The following TTC7A variants were observed in gnomAD, a reference collection of about 807,000 sequenced individuals.
TTC7A encodes the protein tetratricopeptide repeat domain 7A, also known as tetratricopeptide repeat protein 7A.
A neutral mutation model predicts 103.7 loss-of-function variants in TTC7A; 110 were observed. That is an observed-to-expected ratio of 1.06 (90% CI 0.91 to 1.24). The LOEUF (loss-of-function observed/expected upper bound fraction) is 1.24. Ranked by LOEUF, TTC7A falls within the 50% of genes most tolerant of loss-of-function variation. The pLI is 0.00. For missense variants in TTC7A, 1,340 were observed against 1,116.3 expected (o/e 1.20, Z -2.86); for synonymous variants, 521 against 467.9 (o/e 1.11, Z -1.47).
intron 18 of TTC7A, among the ~76,000 whole-genome samples, chr2:47,058,092 TGA>T (rs1310413665): frequency 4.6e-5 from 7 of 152,164 alleles, no homozygotes; most frequent in African/African-American, 1.7e-4. Flanking sequence ...GAGCTGAGGC[TGA>T]GAGAGCCAAA....
chr2:47,008,015 G>A (rs1314395869), intron 10 of TTC7A, among the ~76,000 whole-genome samples: 1 of 152,248 alleles, frequency 6.6e-6, no homozygotes, highest in African/African-American at 2.4e-5. Context: ...AAGACGAGCT[G>A]GCCGTGGGGA....
At chr2:46,991,656 T>G (rs556848183) in intron 5 of TTC7A, among the ~76,000 whole-genome samples, 3 of 152,214 alleles carry the variant, frequency 2.0e-5, no homozygotes, top group African/African-American at 4.8e-5. Context: ...TAAATAATAA[T>G]ACCGGTGATA....
chr2:47,010,920 G>A (rs1053908312), intron 10 of TTC7A, among the ~76,000 whole-genome samples: 2 of 152,086 alleles, frequency 1.3e-5, no homozygotes, highest in Admixed American at 6.5e-5. Context: ...GGCTGGTCTC[G>A]AACTCCTGAG....
At chr2:47,064,530 A>C (rs1338702122) in intron 19 of TTC7A, among the ~76,000 whole-genome samples, 1 of 152,220 alleles carries the variant, frequency 6.6e-6, no homozygotes, top group African/African-American at 2.4e-5. Flanking sequence ...TGCTCTTCAG[A>C]GAGGGCTTCA....
intron 4 of TTC7A, among the ~76,000 whole-genome samples, chr2:46,976,955 G>A (rs1456601284): frequency 6.6e-6 from 1 of 152,230 alleles, no homozygotes; most frequent in African/African-American, 2.4e-5. Flanking sequence ...GCTCAGCATG[G>A]TTGAGTTGAC....
Position 46,975,085 on chromosome 2 carries a change from C to G in TTC7A, c.630C>G (p.Phe210Leu). 1 of 1,613,770 alleles carries G rather than the reference C, an allele frequency of 6.2e-7. No homozygotes were observed. The highest frequency in any genetic ancestry group is 8.5e-7 in the Non-Finnish European group (1 of 1,179,816). Residue 210 changes from phenylalanine to leucine, a missense_variant, in exon 4 of 20, where the codon TTC (phenylalanine) becomes TTG (leucine). Transcript: ENST00000319190. ...GGGCCTCCTGGATCGCTCAGGTGTTCCTGCAGGAATTGGAGAAGGTGAGCT... is the reference window on the plus strand; with the variant it reads ...GGGCCTCCTGGATCGCTCAGGTGTTGCTGCAGGAATTGGAGAAGGTGAGCT... The part of the protein sequence containing the change: ...FERASWIAQV[F>L]LQELEKTTNN...
intron 15 of TTC7A, 29 bp from the exon 16 acceptor site, chr2:47,046,286 G>T (rs1204113902): frequency 6.3e-7 from 1 of 1,583,594 alleles, no homozygotes; most frequent in Admixed American, 1.7e-5. Flanking sequence ...TTGCTGGGGT[G>T]TGCTGATGGC....
chr2:46,997,090 T>A (rs1195279268), intron 8 of TTC7A, among the ~76,000 whole-genome samples: 1 of 152,166 alleles, frequency 6.6e-6, no homozygotes, highest in Non-Finnish European at 1.5e-5. Context: ...GCGATTCTTC[T>A]GTCTCAGCTT....
chr2:46,997,242 G>A (rs1676300807), intron 8 of TTC7A, among the ~76,000 whole-genome samples: 1 of 152,060 alleles, frequency 6.6e-6, no homozygotes, highest in South Asian at 2.1e-4. Context: ...GCCTCCCAAA[G>A]TGCTGGGATT....
At position 46,995,037 on chromosome 2, in the gene TTC7A, G is replaced by A. The variant is rs151084206; in HGVS notation, c.1002-99G>A. 5.3e-5 allele frequency: 58 copies of A among 1,102,710 alleles called. No homozygotes were observed. In the African/African-American group the frequency reaches 7.7e-4, roughly 15 times the overall value. The allele number at this position is 1,102,710 out of a possible 1,614,324, so 68.3% of individuals were successfully genotyped here. On this transcript the variant is annotated intron_variant, in intron 7 of 19. Coordinates refer to ENST00000319190, the MANE Select transcript of TTC7A (RefSeq NM_020458.4). Reference sequence around the variant, plus strand: ...ATGCAGGAAGAGGTCACCTTACCGAGCTGGTGCTGACTCTGGGGCAGAAGG... The same window carrying A: ...ATGCAGGAAGAGGTCACCTTACCGAACTGGTGCTGACTCTGGGGCAGAAGG...
chr2:46,954,215 T>C (rs1671648783), intron 2 of TTC7A, among the ~76,000 whole-genome samples: 1 of 152,176 alleles, frequency 6.6e-6, no homozygotes, highest in South Asian at 2.1e-4. Context: ...CTCCATGAAG[T>C]CCTTTTTCCC....
chr2:46,983,225 C>G (rs1299430964), intron 5 of TTC7A, among the ~76,000 whole-genome samples: 4 of 152,188 alleles, frequency 2.6e-5, no homozygotes, highest in Admixed American at 2.6e-4. Context: ...AGGGTAGGGC[C>G]TGCCATGGAG....
intron 15 of TTC7A, among the ~76,000 whole-genome samples, chr2:47,039,774 A>G (rs975935442): frequency 2.0e-5 from 3 of 152,206 alleles, no homozygotes; most frequent in African/African-American, 7.2e-5. Context: ...GCAGATGCCA[A>G]CATTCTCCTG....
rs1263823303 is a variant in TTC7A at position 47,007,141 on chromosome 2, G to T, written c.1287+417G>T. 6.6e-6 allele frequency among the ~76,000 whole-genome samples: 1 copy of T among 152,134 alleles called. No individual in the cohort carries two copies. Among genetic ancestry groups the T allele is most frequent in the Non-Finnish European group, 1.5e-5 (1 of 68,028 alleles). ...TGGCCTGCTTGTGGACTGGAGACTT[G>T]CCTCGGAGGGGAAGCTTAAAGGGCA... On this transcript the variant is annotated intron_variant, in intron 10 of 19. Coordinates refer to ENST00000319190, the MANE Select transcript of TTC7A (RefSeq NM_020458.4). This position sits in a 1 kb window ranked among gnomAD's most constrained non-coding sequence, Gnocchi z 4.9.
intron 11 of TTC7A, among the ~76,000 whole-genome samples, chr2:47,019,443 T>A (rs1246208738): frequency 6.6e-6 from 1 of 152,038 alleles, no homozygotes; most frequent in African/African-American, 2.4e-5. Context: ...ACATTAAGCC[T>A]TGGGATTTTG....
At chr2:46,980,334 C>T (rs971261256) in intron 5 of TTC7A, among the ~76,000 whole-genome samples, 6 of 151,554 alleles carry the variant, frequency 4.0e-5, no homozygotes, top group Non-Finnish European at 8.8e-5. Context: ...ATCCTCCCAC[C>T]TCAGCCTCCT....
intron 2 of TTC7A, chr2:46,951,766 C>T (rs1671438164): frequency 2.4e-6 from 1 of 422,738 alleles, no homozygotes; most frequent in African/African-American, 2.0e-5. Context: ...CCTTTTATTC[C>T]AACGTACTGT....
At chr2:46,972,542 A>G (rs1429941163) in intron 3 of TTC7A, among the ~76,000 whole-genome samples, 1 of 152,222 alleles carries the variant, frequency 6.6e-6, no homozygotes, top group Non-Finnish European at 1.5e-5. Context: ...AAGAGCGACA[A>G]TTCTAAGACT....
intron 19 of TTC7A, among the ~76,000 whole-genome samples, chr2:47,073,096 C>T (rs1362102036): frequency 6.6e-6 from 1 of 152,160 alleles, no homozygotes; most frequent in Non-Finnish European, 1.5e-5. Context: ...CTCCCATGAC[C>T]CTCTCCTGAG....
Sources: allele counts gnomAD v4.1 joint callset (sites outside exome capture counted in the v4.1 genomes callset), GRCh38; gene constraint gnomAD v4.1.1; non-coding constraint Gnocchi (gnomAD v3.1); transcripts MANE v1.5; gene names NCBI Gene and HGNC (gene_info 2026-07-23, HGNC 2026-07-21).